NR1I2: variants seen among roughly 807,000 people sequenced by gnomAD.
NR1I2 encodes the protein nuclear receptor subfamily 1 group I member 2.
NR1I2 carries 42 observed loss-of-function variants against 43.3 expected under a neutral mutation model. That is an observed-to-expected ratio of 0.97 (90% CI 0.76 to 1.26). The LOEUF (loss-of-function observed/expected upper bound fraction) is 1.26, where lower values mean the gene tolerates loss of function less well. Ranked by LOEUF, NR1I2 falls within the 50% of genes most tolerant of loss-of-function variation. The pLI is 0.00. For missense variants in NR1I2, 559 were observed against 566.7 expected, an observed-to-expected ratio of 0.99 and a Z score of 0.14; for synonymous variants, 229 against 215.0, an observed-to-expected ratio of 1.06 and a Z score of -0.57.
At chr3:119,799,501 T>C (rs1378827874) in intron 1 of NR1I2, among the ~76,000 whole-genome samples, 3 of 152,234 alleles carry the variant, frequency 2.0e-5, no homozygotes, top group African/African-American at 7.2e-5. Flanking sequence ...TTCTTAATAG[T>C]GTAGAAAGCA....
intron 5 of NR1I2, among the ~76,000 whole-genome samples, chr3:119,814,675 TC>T: frequency 6.6e-6 from 1 of 151,860 alleles, no homozygotes; most frequent in Non-Finnish European, 1.5e-5. Context: ...TAGCTGTAGG[TC>T]AGGATTTGTA....
At chr3:119,782,818 C>T (rs1251940698) in intron 1 of NR1I2, 1 of 1,614,180 alleles carries the variant, frequency 6.2e-7, no homozygotes, top group Non-Finnish European at 8.5e-7. Flanking sequence ...TGCCATACCC[C>T]TGCACAGTGC....
chr3:119,797,982 ATT>A (rs955664997), intron 1 of NR1I2, among the ~76,000 whole-genome samples: 7 of 150,264 alleles, frequency 4.7e-5, no homozygotes, highest in African/African-American at 1.7e-4. Context: ...TTTGTGGTTA[ATT>A]TTTTTTTTCT....
chr3:119,784,884 T>C (rs1177172987), intron 1 of NR1I2, among the ~76,000 whole-genome samples: 2 of 152,162 alleles, frequency 1.3e-5, no homozygotes, highest in Non-Finnish European at 2.9e-5. Flanking sequence ...CTTGATTTTT[T>C]CCCCCAATAA....
chr3:119,803,176 G>GAAA (rs374112140), intron 1 of NR1I2, among the ~76,000 whole-genome samples: 14 of 145,642 alleles, frequency 9.6e-5, no homozygotes, highest in Non-Finnish European at 2.0e-4. Context: ...TACTAAAAAT[G>GAAA]AAAAAAAAAA....
intron 1 of NR1I2, among the ~76,000 whole-genome samples, chr3:119,790,299 C>G (rs868321105): frequency 1.3e-5 from 2 of 152,210 alleles, no homozygotes; most frequent in African/African-American, 2.4e-5. Context: ...TTTGTTTATC[C>G]ATTCATCAGT....
intron 4 of NR1I2, 21 bp from the exon 5 acceptor site, chr3:119,812,665 A>C (rs767277323): frequency 6.2e-7 from 1 of 1,612,864 alleles, no homozygotes; most frequent in South Asian, 1.1e-5. Context: ...TCCTCTGTCC[A>C]CCTCCTGGCA....
At chr3:119,793,878 T>C (rs2054956737) in intron 1 of NR1I2, among the ~76,000 whole-genome samples, 1 of 152,226 alleles carries the variant, frequency 6.6e-6, no homozygotes, top group South Asian at 2.1e-4. Flanking sequence ...ATGAAAGTGT[T>C]ATGACATTTT....
Position 119,818,065 on chromosome 3 carries a change from A to T in NR1I2, c.*853A>T. The T allele has an allele frequency of 1.0e-6, 1 of 985,550 alleles. No individual in the cohort carries two copies. Among genetic ancestry groups the T allele is most frequent in the Non-Finnish European group, 1.2e-6 (1 of 830,002 alleles). 61.1% of individuals were successfully genotyped at this position (985,550 alleles called of 1,614,324 possible). On this transcript the variant is annotated 3_prime_UTR_variant, in exon 9 of 9. Transcript: ENST00000393716. Reference sequence around the variant, plus strand: ...CTGTGATGGCGGGCACTGGGTACCCAAGTGAAGGTTCCCAAGGACATGAGT... The same window carrying T: ...CTGTGATGGCGGGCACTGGGTACCCTAGTGAAGGTTCCCAAGGACATGAGT...
chr3:119,810,412 T>C (rs1207518289), intron 3 of NR1I2: 2 of 647,826 alleles, frequency 3.1e-6, no homozygotes, highest in Admixed American at 5.8e-5. Context: ...ATCTCTGCCC[T>C]GGGATGTGTG....
rs779579520 is a variant in NR1I2 at position 119,812,880 on chromosome 3, C to CCTG, written c.719_721dup (p.Leu240dup). Reference sequence around the variant, plus strand: ...ACAGTGGCGGGAAAGAGATCTTCTCCCTGCTGCCCCACATGGCTGACATGT... The same window carrying CCTG: ...ACAGTGGCGGGAAAGAGATCTTCTCCCTGCTGCTGCCCCACATGGCTGACATGT... On this transcript the variant is annotated inframe_insertion, in exon 5 of 9. Coordinates refer to ENST00000393716, the MANE Select transcript of NR1I2 (RefSeq NM_003889.4). 2 of 1,614,074 alleles carry CCTG rather than the reference C, an allele frequency of 1.2e-6. No homozygotes were observed. Among genetic ancestry groups the CCTG allele is most frequent in the Non-Finnish European group, 1.7e-6 (2 of 1,180,042 alleles).
Position 119,818,317 on chromosome 3 carries a change from G to A in NR1I2, c.*1105G>A, listed in dbSNP as rs914720022. 6.1e-6 allele frequency: 6 copies of A among 985,318 alleles called. No individual in the cohort carries two copies. Among genetic ancestry groups the A allele is most frequent in the Middle Eastern group, 5.2e-4 (1 of 1,936 alleles). 61.0% of individuals were successfully genotyped at this position (985,318 alleles called of 1,614,324 possible). A position where few individuals can be genotyped will look rare whatever the true frequency, so the allele number is the denominator to read the frequency against. On this transcript the variant is annotated 3_prime_UTR_variant, in exon 9 of 9. Coordinates refer to ENST00000393716, the MANE Select transcript of NR1I2 (RefSeq NM_003889.4). Reference sequence around the variant, plus strand: ...ATCTATTCTCAAAGCTAAAGGGTATGAAAGTGCCTGCCTTGTTTATAGCCA... The same window carrying A: ...ATCTATTCTCAAAGCTAAAGGGTATAAAAGTGCCTGCCTTGTTTATAGCCA...
At position 119,815,773 on chromosome 3, in the gene NR1I2, C is replaced by A. The variant is rs1046611926; in HGVS notation, c.1102C>A (p.Gln368Lys). 1 of 1,613,816 alleles carries A rather than the reference C, an allele frequency of 6.2e-7. No homozygotes were observed. Residue 368 changes from glutamine (Q) to lysine (K), a missense_variant, in exon 8 of 9, where the codon CAA (glutamine) becomes AAA (lysine). Gln to Lys is a moderately conservative substitution (Grantham distance 53, BLOSUM62 1). This residue lies in a region of NR1I2 where 323 missense variants were observed against 312.2 expected (regional missense o/e 1.03). Coordinates refer to ENST00000393716, the MANE Select transcript of NR1I2 (RefSeq NM_003889.4). ...CCGCGTGGTGGACCAGCTGCAGGAGCAATTCGCCATTACTCTGAAGTCCTA... is the reference window on the plus strand; with the variant it reads ...CCGCGTGGTGGACCAGCTGCAGGAGAAATTCGCCATTACTCTGAAGTCCTA...
chr3:119,814,417 T>C (rs887942626), intron 5 of NR1I2, among the ~76,000 whole-genome samples: 2 of 151,904 alleles, frequency 1.3e-5, no homozygotes, highest in African/African-American at 4.8e-5. Context: ...AGGGAAACAG[T>C]AGAAATACAT....
intron 1 of NR1I2, chr3:119,791,803 G>C (rs921663517): frequency 6.2e-6 from 3 of 482,808 alleles, no homozygotes; most frequent in Admixed American, 2.3e-5. Context: ...GGTGTGAGAG[G>C]GTTCAACAGA....
intron 1 of NR1I2, among the ~76,000 whole-genome samples, chr3:119,792,726 T>G (rs977682704): frequency 2.0e-5 from 3 of 151,894 alleles, no homozygotes; most frequent in African/African-American, 7.3e-5. Flanking sequence ...AAAAAAAAAT[T>G]TAGCTGGACG....
chr3:119,789,105 C>T (rs551579849), intron 1 of NR1I2, among the ~76,000 whole-genome samples: 29 of 152,248 alleles, frequency 1.9e-4, no homozygotes, highest in South Asian at 6.2e-4. Flanking sequence ...TTACCTTAAA[C>T]GGGGGCACTT....
chr3:119,809,410 C>T (rs759429316), intron 2 of NR1I2, among the ~76,000 whole-genome samples: 2 of 152,026 alleles, frequency 1.3e-5, no homozygotes, highest in African/African-American at 2.4e-5. Flanking sequence ...GACCTCTTTG[C>T]CCCCTAGGTC....
Position 119,807,280 on chromosome 3 carries a change from C to G in NR1I2, c.30C>G (p.Asn10Lys). The G allele has an allele frequency of 6.2e-7, 1 of 1,614,204 alleles. No individual in the cohort carries two copies. The highest frequency in any genetic ancestry group is 8.5e-7 in the Non-Finnish European group (1 of 1,180,026). Residue 10 changes from asparagine (N) to lysine (K), a missense_variant, in exon 2 of 9, where the codon AAC becomes AAG. Physicochemically the swap from Asn to Lys is moderately conservative, Grantham distance 94 (BLOSUM62 0). Transcript: ENST00000393716. ...AGGTGAGACCCAAAGAAAGCTGGAA[C>G]CATGCTGACTTTGTACACTGTGAGG...
Sources: allele counts gnomAD v4.1 joint callset (sites outside exome capture counted in the v4.1 genomes callset), GRCh38; gene constraint gnomAD v4.1.1; regional missense constraint gnomAD v4.1.1; transcripts MANE v1.5; gene names NCBI Gene and HGNC (gene_info 2026-07-23, HGNC 2026-07-21).